The following YLPM1 variants were observed in gnomAD, a reference collection of about 807,000 sequenced individuals.
YLPM1 encodes the protein YLP motif containing 1.
YLPM1 carries 99 observed loss-of-function variants against 230.0 expected under a neutral mutation model. The observed-to-expected ratio is 0.43, with a 90% confidence interval of 0.37 to 0.51. The LOEUF is 0.51. Among genes scored for constraint, YLPM1 ranks in the 20% least tolerant of loss-of-function variants. The pLI, the probability that YLPM1 is intolerant of heterozygous loss-of-function variation, is 0.00. For missense variants in YLPM1, 2,592 were observed against 2,707.7 expected, an observed-to-expected ratio of 0.96 and a Z score of 0.95; for synonymous variants, 984 against 942.5, an observed-to-expected ratio of 1.04 and a Z score of -0.81.
At chr14:74,811,009 T>C (rs2140126653) in intron 9 of YLPM1, among the ~76,000 whole-genome samples, 1 of 151,984 alleles carries the variant, frequency 6.6e-6, no homozygotes, top group Non-Finnish European at 1.5e-5. Context: ...TTGTTTTTGA[T>C]GACGATGTGG....
intron 18 of YLPM1, among the ~76,000 whole-genome samples, chr14:74,828,884 A>G (rs1475387792): frequency 1.3e-5 from 2 of 152,178 alleles, no homozygotes. Context: ...GAAAAGCCCA[A>G]CTTTGCATTT....
intron 18 of YLPM1, among the ~76,000 whole-genome samples, chr14:74,826,184 T>C (rs1288272342): frequency 6.6e-6 from 1 of 152,144 alleles, no homozygotes; most frequent in African/African-American, 2.4e-5. Context: ...GACTTGTATC[T>C]TGCACCACTG....
chr14:74,777,148 C>T (rs1344587795), intron 1 of YLPM1, among the ~76,000 whole-genome samples: 1 of 151,982 alleles, frequency 6.6e-6, no homozygotes, highest in Non-Finnish European at 1.5e-5. Flanking sequence ...TCTAATATTT[C>T]CATACTAAGC....
chr14:74,816,802 C>T (rs1359251131), intron 13 of YLPM1, 112 bp downstream of exon 13: 1 of 1,451,532 alleles, frequency 6.9e-7, no homozygotes, highest in Non-Finnish European at 9.2e-7. Context: ...CTTTTCCGAA[C>T]ACAGTACTTT....
chr14:74,802,078 C>T (rs2091332024), intron 5 of YLPM1, among the ~76,000 whole-genome samples: 1 of 151,854 alleles, frequency 6.6e-6, no homozygotes, highest in African/African-American at 2.4e-5. Flanking sequence ...ATTAGCCGGG[C>T]GCGGTGGTGC....
intron 4 of YLPM1, among the ~76,000 whole-genome samples, chr14:74,787,133 A>AT (rs1378660367): frequency 2.0e-5 from 3 of 151,740 alleles, no homozygotes; most frequent in African/African-American, 7.3e-5. Context: ...TCTTTTTCCC[A>AT]TTTTTTGACT....
At chr14:74,790,128 T>C (rs1277752981) in intron 4 of YLPM1, among the ~76,000 whole-genome samples, 1 of 152,188 alleles carries the variant, frequency 6.6e-6, no homozygotes, top group African/African-American at 2.4e-5. Flanking sequence ...TTGAAATCTT[T>C]ATAATATCAA....
chr14:74,763,519 G>C lies in YLPM1; in HGVS notation c.30G>C (p.Gly10=). The change falls in exon 1 of 21, where the codon GGG becomes GGC. Residue 10 remains glycine (G), a synonymous_variant. Coordinates refer to ENST00000325680, the MANE Select transcript of YLPM1 (RefSeq NM_019589.3). MYPNWGRYG[G]SSHYPPPPVP... ...ACCCGAATTGGGGCCGGTATGGCGG[G>C]AGCAGCCACTATCCGCCGCCACCGG... is the stretch of plus-strand genomic sequence containing the variant. 1 of 1,504,052 alleles carries C rather than the reference G, an allele frequency of 6.6e-7. No individual in the cohort carries two copies. 93.2% of individuals were successfully genotyped at this position (1,504,052 alleles called of 1,614,324 possible).
chr14:74,789,568 G>A (rs1465814412), intron 4 of YLPM1, among the ~76,000 whole-genome samples: 1 of 150,142 alleles, frequency 6.7e-6, no homozygotes, highest in African/African-American at 2.5e-5. Context: ...GGCCTTGTGG[G>A]TCACATTTGG....
At position 74,798,737 on chromosome 14, in the gene YLPM1, C is replaced by T. The variant is rs769321356; in HGVS notation, c.3440C>T (p.Pro1147Leu). 22 of 1,612,934 alleles carry T rather than the reference C, an allele frequency of 1.4e-5. No homozygotes were observed. In the Admixed American group the frequency reaches 2.7e-4, roughly 20 times the overall value. The change falls in exon 5 of 21, where the codon CCT (proline) becomes CTT (leucine). Residue 1147 changes from proline to leucine, a missense_variant. Coordinates refer to ENST00000325680, the MANE Select transcript of YLPM1 (RefSeq NM_019589.3). ...GCTGGGAGCAGGGAGAGAGGACCAC[C>T]TCGAGGGCCTGGCAGTCGAGAAAGG... Reference protein sequence around the residue: ...RRAGSRERGPPRGPGSRERGL... With the variant: ...RRAGSRERGPLRGPGSRERGL...
rs370889119 is a variant in YLPM1 at position 74,763,820 on chromosome 14, C to T, written c.331C>T (p.Pro111Ser). Residue 111 changes from proline to serine, a missense_variant, in exon 1 of 21, where the codon CCC becomes TCC. This residue lies in a region of YLPM1 where 1,862 missense variants were observed against 1,819.8 expected (regional missense o/e 1.02). Coordinates refer to ENST00000325680, the MANE Select transcript of YLPM1 (RefSeq NM_019589.3). The stretch of plus-strand genomic sequence containing the variant: ...GCCACCGCCACCGATGCCCCCGCCA[C>T]CCGGGCCGGCCCTCAGCTATCAGAA... ...QPPPPPMPPP[P>S]GPALSYQKQQ... 255 of 1,512,156 alleles carry T rather than the reference C, an allele frequency of 1.7e-4. No homozygotes were observed. Among genetic ancestry groups the T allele is most frequent in the Non-Finnish European group, 2.2e-4 (249 of 1,129,736 alleles). 93.7% of individuals were successfully genotyped at this position (1,512,156 alleles called of 1,614,324 possible). A position where few individuals can be genotyped will look rare whatever the true frequency, so the allele number is the denominator to read the frequency against.
intron 18 of YLPM1, among the ~76,000 whole-genome samples, chr14:74,825,015 A>T (rs2091551475): frequency 6.6e-6 from 1 of 152,192 alleles, no homozygotes; most frequent in Non-Finnish European, 1.5e-5. Flanking sequence ...AAAGAGAACC[A>T]TTTAACATGT....
chr14:74,809,501 C>T lies in YLPM1; in HGVS notation c.4643C>T (p.Pro1548Leu). The T allele has an allele frequency of 6.3e-7, 1 of 1,583,556 alleles. No homozygotes were observed. Among genetic ancestry groups the T allele is most frequent in the Admixed American group, 1.8e-5 (1 of 54,512 alleles). Residue 1548 changes from proline to leucine, a missense_variant, in exon 7 of 21, where the codon CCA (proline) becomes CTA (leucine). By Grantham distance (98) the Pro-to-Leu change is moderately conservative (BLOSUM62 -3). Transcript: ENST00000325680. ...PVTRPPVPIP[P>L]PPPPPPLPPP... ...ACCAGGCCACCTGTCCCAATACCACCACCTCCACCTCCTCCACCTCTACCT... is the reference window on the plus strand; with the variant it reads ...ACCAGGCCACCTGTCCCAATACCACTACCTCCACCTCCTCCACCTCTACCT...
intron 5 of YLPM1, among the ~76,000 whole-genome samples, chr14:74,800,370 A>G (rs909120582): frequency 6.6e-6 from 1 of 152,258 alleles, no homozygotes; most frequent in African/African-American, 2.4e-5. Flanking sequence ...GGTAACAACA[A>G]TAACAAAAGC....
chr14:74,780,789 A>G (rs1184946482), intron 3 of YLPM1, among the ~76,000 whole-genome samples: 2 of 152,144 alleles, frequency 1.3e-5, no homozygotes, highest in African/African-American at 4.8e-5. Flanking sequence ...GATCATGTCA[A>G]CCCAGGCCAG....
At chr14:74,775,194 A>C (rs906582700) in intron 1 of YLPM1, among the ~76,000 whole-genome samples, 1 of 152,202 alleles carries the variant, frequency 6.6e-6, no homozygotes, top group Non-Finnish European at 1.5e-5. Flanking sequence ...GTTTCAGGTA[A>C]TAGTAATGAG....
chr14:74,817,226 G>A lies in YLPM1; in HGVS notation c.5895G>A (p.Gln1965=). The part of the protein sequence containing the change: ...VYLAEMSADN[Q]TCGKRNIHGR... ...TGGCTGAAATGAGTGCAGATAACCA[G>A]ACTTGTGGCAAGAGAAATATTCATG... Residue 1965 remains glutamine (Q), a synonymous_variant, in exon 15 of 21, where the codon CAG becomes CAA. Transcript: ENST00000325680. 6 of 1,601,938 alleles carry A rather than the reference G, an allele frequency of 3.7e-6. No homozygotes were observed. Among genetic ancestry groups the A allele is most frequent in the Non-Finnish European group, 5.1e-6 (6 of 1,173,556 alleles).
At chr14:74,782,421 A>T (rs547563641) in intron 4 of YLPM1, 96 bp downstream of exon 4, 1 of 1,357,340 alleles carries the variant, frequency 7.4e-7, no homozygotes, top group East Asian at 2.4e-5. Flanking sequence ...CATTTATACA[A>T]TGTTTATACT....
chr14:74,768,959 G>A (rs2090943162), intron 1 of YLPM1, among the ~76,000 whole-genome samples: 1 of 151,976 alleles, frequency 6.6e-6, no homozygotes, highest in Non-Finnish European at 1.5e-5. Flanking sequence ...GCGCATAGGA[G>A]GTGGAGAACA....
Sources: gnomAD v4.1 joint callset for allele counts (sites outside exome capture counted in the v4.1 genomes callset) on GRCh38, gnomAD v4.1.1 for gene constraint, gnomAD v4.1.1 regional missense constraint, MANE v1.5 for transcripts, NCBI Gene and HGNC (gene_info 2026-07-23, HGNC 2026-07-21) for gene names.